The following ARHGAP31 variants were observed in gnomAD, a reference collection of about 807,000 sequenced individuals.
ARHGAP31 encodes the protein rho GTPase-activating protein 31.
In ARHGAP31, 34 loss-of-function variants were observed where a neutral mutation model predicts 113.9. That is an observed-to-expected ratio of 0.30 (90% CI 0.23 to 0.40). The LOEUF is 0.40. ARHGAP31 is among the 10% of genes least tolerant of loss of function. The pLI is 1.00. For missense variants in ARHGAP31, 1,548 were observed against 1,767.1 expected (o/e 0.88, Z 2.22); for synonymous variants, 650 against 684.8 (o/e 0.95, Z 0.79).
rs572139964 is a variant in ARHGAP31, at chr3:119,383,612, T to A, written c.682+386T>A. On this transcript the variant is annotated intron_variant, in intron 6 of 11. Coordinates refer to ENST00000264245, the MANE Select transcript of ARHGAP31 (RefSeq NM_020754.4). ...TTAGACTTCATCTTTACTTTCACTG[T>A]ATTTCAGAAGACCCTTATGCCTTCA... is the stretch of plus-strand genomic sequence containing the variant. Among the ~76,000 whole-genome samples the A allele has an allele frequency of 1.3e-5, 2 of 152,228 alleles. 1 individual carries two copies. The highest frequency in any genetic ancestry group is 4.1e-4 in the South Asian group (2 of 4,838).
At chr3:119,389,108 C>A (rs1577024856) in intron 6 of ARHGAP31, among the ~76,000 whole-genome samples, 1 of 152,102 alleles carries the variant, frequency 6.6e-6, no homozygotes, top group African/African-American at 2.4e-5. Flanking sequence ...TTGCAGTGAG[C>A]CGAGATTGCA....
chr3:119,347,250 G>C (rs1033723929), intron 1 of ARHGAP31, among the ~76,000 whole-genome samples: 2 of 152,198 alleles, frequency 1.3e-5, no homozygotes, highest in Admixed American at 6.5e-5. Context: ...CACTGCTTAA[G>C]GGACAAGGAA....
intron 6 of ARHGAP31, among the ~76,000 whole-genome samples, chr3:119,386,656 C>T (rs1311470727): frequency 6.6e-6 from 1 of 152,194 alleles, no homozygotes; most frequent in Non-Finnish European, 1.5e-5. Context: ...GCCCGGGGGA[C>T]CACTACCACC....
chr3:119,320,247 A>T (rs571325509), intron 1 of ARHGAP31, among the ~76,000 whole-genome samples: 1 of 152,318 alleles, frequency 6.6e-6, no homozygotes, highest in East Asian at 1.9e-4. Flanking sequence ...ATCAGTGTCT[A>T]TTCTCTGCTG....
chr3:119,336,431 T>C (rs1233554396), intron 1 of ARHGAP31, among the ~76,000 whole-genome samples: 1 of 152,118 alleles, frequency 6.6e-6, no homozygotes, highest in East Asian at 1.9e-4. Context: ...TGTACCATCA[T>C]GCAGCAGCGG....
chr3:119,415,955 A>G lies in ARHGAP31; in HGVS notation c.4026A>G (p.Gly1342=). The G allele has an allele frequency of 6.2e-7, 1 of 1,614,174 alleles. No homozygotes were observed. Among genetic ancestry groups the G allele is most frequent in the Non-Finnish European group, 8.5e-7 (1 of 1,180,034 alleles). The change falls in exon 12 of 12, where the codon GGA becomes GGG. Residue 1342 remains glycine (G), a synonymous_variant. Transcript: ENST00000264245. ...GSKPFHRSRP[G]RPQSLILFSP... ...AGCCTTTCCACAGGTCAAGGCCAGG[A>G]AGACCTCAGAGCCTAATCTTATTCA...
chr3:119,359,407 T>A (rs145497018), intron 1 of ARHGAP31, among the ~76,000 whole-genome samples: 3 of 152,102 alleles, frequency 2.0e-5, no homozygotes, highest in Non-Finnish European at 2.9e-5. Flanking sequence ...AACATATTTT[T>A]AAATTTTTTT....
Position 119,415,384 on chromosome 3 carries a change from C to T in ARHGAP31, c.3455C>T (p.Ala1152Val). Residue 1152 changes from alanine (A) to valine (V), a missense_variant, in exon 12 of 12, where the codon GCA (alanine) becomes GTA (valine). Ala to Val is a moderately conservative substitution (Grantham distance 64). Transcript: ENST00000264245. Reference sequence around the variant, plus strand: ...TGGATGACCTCATCTTACTGTAAAGCAGACCCCTGGAGGGTTTACTCCCAG... The same window carrying T: ...TGGATGACCTCATCTTACTGTAAAGTAGACCCCTGGAGGGTTTACTCCCAG... ...VTWMTSSYCK[A>V]DPWRVYSQDP... 12 of 1,614,082 alleles carry T rather than the reference C, an allele frequency of 7.4e-6. No homozygotes were observed. The highest frequency in any genetic ancestry group is 9.3e-6 in the Non-Finnish European group (11 of 1,180,036).
At chr3:119,301,701 G>A (rs1376117996) in intron 1 of ARHGAP31, among the ~76,000 whole-genome samples, 1 of 152,150 alleles carries the variant, frequency 6.6e-6, no homozygotes, top group Non-Finnish European at 1.5e-5. Flanking sequence ...TTTTGTGGCT[G>A]TGGGTGAGGC....
At chr3:119,336,977 T>C (rs1407518400) in intron 1 of ARHGAP31, among the ~76,000 whole-genome samples, 2 of 152,264 alleles carry the variant, frequency 1.3e-5, no homozygotes, top group Non-Finnish European at 1.5e-5. Flanking sequence ...TTAAAGCTTA[T>C]GTTAGTACTT....
chr3:119,402,243 C>G lies in ARHGAP31; in HGVS notation c.1491C>G (p.Arg497=). The change falls in exon 10 of 12, where the codon CGC becomes CGG. Residue 497 remains arginine, a synonymous_variant. Coordinates refer to ENST00000264245, the MANE Select transcript of ARHGAP31 (RefSeq NM_020754.4). Reference sequence around the variant, plus strand: ...CCTTTGCGGTATCTGTGCCGCTCCGCGTGTCCGCAGTCATCAGCACCAACA... The same window carrying G: ...CCTTTGCGGTATCTGTGCCGCTCCGGGTGTCCGCAGTCATCAGCACCAACA... ...SEPFAVSVPL[R]VSAVISTNST... 6.2e-7 allele frequency: 1 copy of G among 1,614,246 alleles called. No individual in the cohort carries two copies. Among genetic ancestry groups the G allele is most frequent in the African/African-American group, 1.3e-5 (1 of 75,060 alleles).
rs1425426347 is a variant in ARHGAP31 at position 119,332,631 on chromosome 3, TCTCTCACACACACACACA to T, written c.101-32683_101-32666del. ...CTCTCTCTCTCTCTCTCTCTCTCTCTCTCTCACACACACACACACACACACACACACACACACACACAC... is the reference window on the plus strand; with the variant it reads ...CTCTCTCTCTCTCTCTCTCTCTCTCTCACACACACACACACACACACACAC... On this transcript the variant is annotated intron_variant, in intron 1 of 11. Transcript: ENST00000264245. 2.9e-3 allele frequency among the ~76,000 whole-genome samples: 331 copies of T among 115,324 alleles called. 2 individuals carry two copies. Among genetic ancestry groups the T allele is most frequent in the African/African-American group, 9.8e-3 (276 of 28,042 alleles). 75.7% of individuals were successfully genotyped at this position (115,324 alleles called of 152,430 possible). A position where few individuals can be genotyped will look rare whatever the true frequency, so the allele number is the denominator to read the frequency against.
At chr3:119,374,745 C>T (rs2080333204) in intron 3 of ARHGAP31, among the ~76,000 whole-genome samples, 1 of 152,178 alleles carries the variant, frequency 6.6e-6, no homozygotes. Flanking sequence ...TTATGTTTCC[C>T]AAGGCCTCCT....
intron 1 of ARHGAP31, among the ~76,000 whole-genome samples, chr3:119,352,275 C>G (rs142352721): frequency 0.012 from 1,833 of 152,270 alleles, 12 homozygotes; most frequent in Middle Eastern, 0.02. Flanking sequence ...TCAGCACCAC[C>G]CTTCCTCAGC....
At chr3:119,378,226 A>G (rs932953013) in intron 3 of ARHGAP31, among the ~76,000 whole-genome samples, 1 of 152,144 alleles carries the variant, frequency 6.6e-6, no homozygotes, top group African/African-American at 2.4e-5. Context: ...CCCATCCCCC[A>G]GTTGCCCCAG....
chr3:119,337,006 A>G (rs1288386667), intron 1 of ARHGAP31, among the ~76,000 whole-genome samples: 4 of 152,220 alleles, frequency 2.6e-5, no homozygotes, highest in South Asian at 4.1e-4. Context: ...TTTATTACCT[A>G]ATAATATTCT....
At chr3:119,350,303 A>G (rs1170883314) in intron 1 of ARHGAP31, among the ~76,000 whole-genome samples, 1 of 152,128 alleles carries the variant, frequency 6.6e-6, no homozygotes, top group Non-Finnish European at 1.5e-5. Flanking sequence ...TGGCTCGGGA[A>G]TATTGGGCAG....
At chr3:119,392,559 T>C (rs747958401) in intron 7 of ARHGAP31, among the ~76,000 whole-genome samples, 8 of 152,238 alleles carry the variant, frequency 5.3e-5, no homozygotes, top group Non-Finnish European at 1.2e-4. Flanking sequence ...GTTTTCATCC[T>C]GAAACTTCAT....
intron 1 of ARHGAP31, among the ~76,000 whole-genome samples, chr3:119,336,107 G>A (rs777946008): frequency 1.5e-4 from 23 of 152,130 alleles, no homozygotes; most frequent in Non-Finnish European, 2.8e-4. Context: ...CCTGGGAGGC[G>A]GAGGTAGCAG....
Sources: allele counts gnomAD v4.1 joint callset (sites outside exome capture counted in the v4.1 genomes callset), GRCh38; gene constraint gnomAD v4.1.1; transcripts MANE v1.5; gene names NCBI Gene and HGNC (gene_info 2026-07-23, HGNC 2026-07-21).